MRPS5: variants seen among roughly 807,000 people sequenced by gnomAD.
MRPS5 encodes mitochondrial ribosomal protein S5.
In MRPS5, 27 loss-of-function variants were observed where a neutral mutation model predicts 51.9. That is an observed-to-expected ratio of 0.52 (90% CI 0.38 to 0.72). The LOEUF (loss-of-function observed/expected upper bound fraction) is 0.72. Among genes scored for constraint, MRPS5 ranks in the 30% least tolerant of loss-of-function variants. The probability of loss-of-function intolerance (pLI) is 0.00; values close to 1 mark genes in which losing one functional copy is unlikely to be tolerated. For synonymous variants in MRPS5, 196 were observed against 193.2 expected (o/e 1.01, Z -0.12); for missense variants, 570 against 545.7 (o/e 1.04, Z -0.44).
intron 3 of MRPS5, among the ~76,000 whole-genome samples, chr2:95,114,165 A>G (rs1352259744): frequency 6.7e-6 from 1 of 150,250 alleles, no homozygotes; most frequent in African/African-American, 2.4e-5. Context: ...TCAGTATTTC[A>G]TAGTAGGAAT....
chr2:95,106,469 A>C lies in MRPS5; in HGVS notation c.638-12T>G, dbSNP rs1675954344. On this transcript the variant is annotated splice_polypyrimidine_tract_variant and intron_variant, in intron 5 of 11. Transcript: ENST00000272418. ...ATCCTCATATGTTTCTGTAGGGAGAAAAGAAACAGGGATACAGATGAAATG... is the reference window on the plus strand; with the variant it reads ...ATCCTCATATGTTTCTGTAGGGAGACAAGAAACAGGGATACAGATGAAATG... The C allele has an allele frequency of 1.2e-6, 2 of 1,608,916 alleles. No individual in the cohort carries two copies. Among genetic ancestry groups the C allele is most frequent in the African/African-American group, 2.7e-5 (2 of 74,812 alleles).
intron 10 of MRPS5, among the ~76,000 whole-genome samples, chr2:95,097,816 A>T (rs1675672497): frequency 6.6e-6 from 1 of 152,244 alleles, no homozygotes; most frequent in African/African-American, 2.4e-5. Flanking sequence ...AAACACCAAA[A>T]GCAATGGCAA....
chr2:95,108,078 G>A, intron 5 of MRPS5, 97 bp downstream of exon 5: 1 of 985,902 alleles, frequency 1.0e-6, no homozygotes, highest in Non-Finnish European at 1.6e-6. Context: ...TTTGGAAAAA[G>A]GTAGTATAAA....
At chr2:95,108,576 C>A (rs908647245) in intron 4 of MRPS5, among the ~76,000 whole-genome samples, 168 bp from the exon 5 acceptor site, 1 of 152,178 alleles carries the variant, frequency 6.6e-6, no homozygotes, top group Non-Finnish European at 1.5e-5. Context: ...TTTAAATATA[C>A]TTCATGGTAT....
intron 3 of MRPS5, among the ~76,000 whole-genome samples, chr2:95,111,154 C>T (rs968017647): frequency 2.6e-5 from 4 of 152,230 alleles, no homozygotes; most frequent in African/African-American, 9.6e-5. Flanking sequence ...TGAGATTCCA[C>T]ATCACATGTT....
chr2:95,121,770 C>T lies in MRPS5; in HGVS notation c.22G>A (p.Val8Met), dbSNP rs1676462781. 4 of 1,553,072 alleles carry T rather than the reference C, an allele frequency of 2.6e-6. No individual in the cohort carries two copies. The highest frequency in any genetic ancestry group is 1.2e-5 in the South Asian group (1 of 84,998). MATAVRA[V>M]GCLPVLCSGT... Reference sequence around the variant, plus strand: ...CTACACAGCACGGGGAGGCAGCCCACAGCGCGCACCGCGGTCGCCATGCTG... The same window carrying T: ...CTACACAGCACGGGGAGGCAGCCCATAGCGCGCACCGCGGTCGCCATGCTG... Residue 8 changes from valine (V) to methionine (M), a missense_variant, in exon 1 of 12, where the codon GTG becomes ATG. Transcript: ENST00000272418.
chr2:95,096,491 C>T lies in MRPS5; in HGVS notation c.931+3983G>A, dbSNP rs146530954. On this transcript the variant is annotated intron_variant, in intron 10 of 11. Transcript: ENST00000272418. ...AGCACATCAAAAAGCTTATCCACCA[C>T]GATCAAGCCAGCTTTATTCCTGGGA... Among the ~76,000 whole-genome samples, 612 of 152,256 alleles carry T rather than the reference C, an allele frequency of 4.0e-3. 4 individuals carry two copies. Among genetic ancestry groups the T allele is most frequent in the Non-Finnish European group, 6.4e-3 (433 of 68,008 alleles).
intron 10 of MRPS5, 111 bp from the exon 11 acceptor site, chr2:95,090,633 A>T (rs1258710687): frequency 7.9e-7 from 1 of 1,260,176 alleles, no homozygotes; most frequent in Non-Finnish European, 1.1e-6. Context: ...ACTGGTTCAT[A>T]TTCTGGTATC....
At chr2:95,087,623 A>G (rs764100292) in intron 11 of MRPS5, 42 bp from the exon 12 acceptor site, 5 of 1,546,036 alleles carry the variant, frequency 3.2e-6, no homozygotes, top group Non-Finnish European at 4.4e-6. Flanking sequence ...TCTGAAGTAC[A>G]TTTGCAACAT....
chr2:95,099,628 C>A (rs1675739166), intron 10 of MRPS5, among the ~76,000 whole-genome samples: 1 of 152,164 alleles, frequency 6.6e-6, no homozygotes, highest in Admixed American at 6.5e-5. Flanking sequence ...CAGATCTAAA[C>A]CTTGAAGTCC....
chr2:95,112,619 T>G (rs1676155528), intron 3 of MRPS5, among the ~76,000 whole-genome samples: 1 of 152,186 alleles, frequency 6.6e-6, no homozygotes, highest in Non-Finnish European at 1.5e-5. Context: ...TATTTCCTAC[T>G]GAAACAGCAA....
intron 8 of MRPS5, among the ~76,000 whole-genome samples, chr2:95,101,403 T>G (rs551766346): frequency 1.6e-4 from 24 of 149,118 alleles, no homozygotes; most frequent in Non-Finnish European, 1.3e-4. Context: ...AAAAAAAAAG[T>G]AACAATTCCT....
chr2:95,113,718 C>T (rs772770479), intron 3 of MRPS5, among the ~76,000 whole-genome samples: 1 of 152,072 alleles, frequency 6.6e-6, no homozygotes, highest in Non-Finnish European at 1.5e-5. Context: ...ACACAAATGA[C>T]CTACTAGGAG....
intron 1 of MRPS5, among the ~76,000 whole-genome samples, chr2:95,119,646 G>C (rs1309132367): frequency 6.6e-6 from 1 of 151,882 alleles, no homozygotes; most frequent in Non-Finnish European, 1.5e-5. Flanking sequence ...CACTAAGATG[G>C]CTATAGTAAA....
At chr2:95,107,930 G>A (rs1375266618) in intron 5 of MRPS5, among the ~76,000 whole-genome samples, 10 of 152,152 alleles carry the variant, frequency 6.6e-5, no homozygotes, top group Admixed American at 6.5e-5. Context: ...ACATCCCCAC[G>A]TTTAAGGATC....
At chr2:95,105,786 C>T (rs1459802606) in intron 6 of MRPS5, among the ~76,000 whole-genome samples, 1 of 152,170 alleles carries the variant, frequency 6.6e-6, no homozygotes, top group African/African-American at 2.4e-5. Context: ...CATTTTAAAT[C>T]CTACAGTGCA....
In MRPS5 at chr2:95,121,758, G is replaced by A; in HGVS notation, c.34C>T (p.Pro12Ser). Residue 12 changes from proline to serine, a missense_variant, in exon 1 of 12, where the codon CCC (proline) becomes TCC (serine). Physicochemically the swap from Pro to Ser is moderately conservative, Grantham distance 74. Transcript: ENST00000272418. ...ATAVRAVGCL[P>S]VLCSGTAGHL... is the part of the protein sequence containing the mutation. ...CCTGCCGTCCCGCTACACAGCACGG[G>A]GAGGCAGCCCACAGCGCGCACCGCG... The A allele has an allele frequency of 6.4e-7, 1 of 1,554,332 alleles. No homozygotes were observed. The highest frequency in any genetic ancestry group is 1.4e-5 in the African/African-American group (1 of 71,970).
intron 6 of MRPS5, 40 bp downstream of exon 6, chr2:95,106,383 C>T: frequency 1.8e-6 from 2 of 1,138,436 alleles, no homozygotes; most frequent in Non-Finnish European, 2.6e-6. Flanking sequence ...ACCCCAACCT[C>T]TCCAAAGGCT....
chr2:95,106,449 CAT>C lies in MRPS5; in HGVS notation c.644_645del (p.Tyr215Ter), dbSNP rs780792043. 4 of 1,604,042 alleles carry C rather than the reference CAT, an allele frequency of 2.5e-6. No individual in the cohort carries two copies. The highest frequency in any genetic ancestry group is 1.7e-4 in the Middle Eastern group (1 of 5,992). ...TCAAGTATCCTGGTATCAAAATCCT[CAT>C]ATGTTTCTGTAGGGAGAAAAGAAAC... ...PPDPGPCGET[Y>X]EDFDTRILEV... On this transcript the variant is annotated frameshift_variant, in exon 6 of 12. Coordinates refer to ENST00000272418, the MANE Select transcript of MRPS5 (RefSeq NM_031902.5). LOFTEE classifies it high-confidence loss of function.
Sources: gnomAD v4.1 joint callset for allele counts (sites outside exome capture counted in the v4.1 genomes callset) on GRCh38, gnomAD v4.1.1 for gene constraint, MANE v1.5 for transcripts, NCBI Gene and HGNC (gene_info 2026-07-23, HGNC 2026-07-21) for gene names.